Variants in KIF14 observed in about 807,000 individuals in gnomAD.
KIF14 encodes the protein kinesin-like protein KIF14.
In KIF14, 98 loss-of-function variants were observed where a neutral mutation model predicts 176.2. That is an observed-to-expected ratio of 0.56 (90% confidence interval 0.47 to 0.66). The LOEUF (loss-of-function observed/expected upper bound fraction) is 0.66, where lower values mean the gene tolerates loss of function less well. Among genes scored for constraint, KIF14 ranks in the 30% least tolerant of loss-of-function variants. The pLI, the probability that KIF14 is intolerant of heterozygous loss-of-function variation, is 0.00. For synonymous variants in KIF14, 566 were observed against 632.2 expected, an observed-to-expected ratio of 0.90 and a Z score of 1.57; for missense variants, 1,751 against 1,920.4, an observed-to-expected ratio of 0.91 and a Z score of 1.65.
intron 25 of KIF14, among the ~76,000 whole-genome samples, chr1:200,564,260 CAAA>C (rs57025286): frequency 7.5e-5 from 5 of 66,298 alleles, no homozygotes; most frequent in Non-Finnish European, 1.2e-4. Context: ...GACTCCAGCT[CAAA>C]AAAAAAAAAA....
chr1:200,583,929 CAA>C (rs1187309703), intron 19 of KIF14, among the ~76,000 whole-genome samples: 5 of 145,258 alleles, frequency 3.4e-5, no homozygotes, highest in Admixed American at 2.8e-4. Context: ...GCAACAACAA[CAA>C]AAAGACTTTA....
Position 200,571,298 on chromosome 1 carries a change from G to A in KIF14, c.3567-1293C>T, listed in dbSNP as rs1363949312. Among the ~76,000 whole-genome samples the A allele has an allele frequency of 1.2e-4, 16 of 137,838 alleles. No homozygotes were observed. In the Admixed American group the frequency reaches 1.2e-3, roughly 11 times the overall value. 90.4% of individuals were successfully genotyped at this position (137,838 alleles called of 152,430 possible). A position where few individuals can be genotyped will look rare whatever the true frequency, so the allele number is the denominator to read the frequency against. Reference sequence around the variant, plus strand: ...CCACTGCACTCCAGCCTGGGCGACAGAGCAAGACTCCATCTCAAAAAGAAA... The same window carrying A: ...CCACTGCACTCCAGCCTGGGCGACAAAGCAAGACTCCATCTCAAAAAGAAA... On this transcript the variant is annotated intron_variant, in intron 22 of 29. Coordinates refer to ENST00000367350, the MANE Select transcript of KIF14 (RefSeq NM_014875.3).
At chr1:200,615,290 T>C (rs1309860339) in intron 3 of KIF14, 65 bp downstream of exon 3, 1 of 1,456,944 alleles carries the variant, frequency 6.9e-7, no homozygotes. Context: ...CTATCACCCC[T>C]ATGCCACTTC....
chr1:200,567,882 T>C (rs1255863116), intron 23 of KIF14, among the ~76,000 whole-genome samples: 6 of 149,276 alleles, frequency 4.0e-5, no homozygotes, highest in African/African-American at 2.4e-5. Flanking sequence ...AAAGCTACAG[T>C]AGGGTAACGA....
At chr1:200,598,215 T>C (rs1236784246) in intron 14 of KIF14, 22 bp downstream of exon 14, 4 of 1,593,276 alleles carry the variant, frequency 2.5e-6, no homozygotes, top group Non-Finnish European at 3.4e-6. Flanking sequence ...GCCTTTTCTT[T>C]TTTTTTAGAG....
rs112727234 is a variant in KIF14 at position 200,553,157 on chromosome 1, C to T, written c.*231G>A. The T allele has an allele frequency of 0.12, 34,785 of 286,084 alleles. 2,509 individuals carry two copies. The highest frequency in any genetic ancestry group is 0.15 in the African/African-American group (6,600 of 45,380). 17.7% of individuals were successfully genotyped at this position (286,084 alleles called of 1,614,324 possible). On this transcript the variant is annotated 3_prime_UTR_variant, in exon 30 of 30. Coordinates refer to ENST00000367350, the MANE Select transcript of KIF14 (RefSeq NM_014875.3). ...CGGGGTTTCGCCATGTTGGCCAGGC[C>T]GGTCTCAAACTCCTGACCTTGTGAT... is the stretch of plus-strand genomic sequence containing the variant.
At chr1:200,572,979 T>C (rs769336117) in intron 22 of KIF14, among the ~76,000 whole-genome samples, 19 of 152,354 alleles carry the variant, frequency 1.2e-4, no homozygotes, top group Non-Finnish European at 2.4e-4. Context: ...ACAGAAATCA[T>C]AGCTTCTCTG....
At chr1:200,587,887 A>T (rs1469311922) in intron 18 of KIF14, among the ~76,000 whole-genome samples, 1 of 152,050 alleles carries the variant, frequency 6.6e-6, no homozygotes, top group Non-Finnish European at 1.5e-5. Flanking sequence ...TTTCTCCTAA[A>T]ACTCTCTGAG....
chr1:200,578,751 A>G (rs1658270772), intron 21 of KIF14, among the ~76,000 whole-genome samples: 1 of 152,204 alleles, frequency 6.6e-6, no homozygotes, highest in African/African-American at 2.4e-5. Context: ...GCTTATCAAA[A>G]TATGTAAATA....
chr1:200,554,318 G>A, intron 29 of KIF14, 150 bp downstream of exon 29: 1 of 507,896 alleles, frequency 2.0e-6, no homozygotes, highest in Non-Finnish European at 3.5e-6. Context: ...TTGAACCCAG[G>A]AGTCGGAGGT....
chr1:200,580,123 T>G (rs1402366344), intron 21 of KIF14, 131 bp downstream of exon 21: 4 of 418,296 alleles, frequency 9.6e-6, no homozygotes, highest in Non-Finnish European at 1.6e-5. Context: ...GATTGCCTTT[T>G]ATTTTCCAAA....
chr1:200,553,649 T>C lies in KIF14; in HGVS notation c.4686A>G (p.Arg1562=). The C allele has an allele frequency of 6.2e-7, 1 of 1,614,136 alleles. No homozygotes were observed. Among genetic ancestry groups the C allele is most frequent in the African/African-American group, 1.3e-5 (1 of 75,042 alleles). The change falls in exon 30 of 30, where the codon AGA becomes AGG. Residue 1562 remains arginine (R), a synonymous_variant. Transcript: ENST00000367350. ...GTTCCTGGTGGACAATGTGAGTTAC[T>C]CTACTCTCATAGCTGCCAACAGAAG... ...PSTSVGSYES[R]VTHIVHQELE...
chr1:200,617,854 C>T lies in KIF14; in HGVS notation c.870G>A (p.Lys290=), dbSNP rs780688295. The stretch of plus-strand genomic sequence containing the variant: ...GGCTCTTAAGCTGAGGCAGGCTGCA[C>T]TTTGTTGTCAGTTTGTGTTCTGTTG... ...KCTTEHKLTT[K]CSLPQLKSPA... is the part of the protein sequence containing the mutation. Residue 290 remains lysine (K), a synonymous_variant, in exon 2 of 30, where the codon AAG becomes AAA. Coordinates refer to ENST00000367350, the MANE Select transcript of KIF14 (RefSeq NM_014875.3). 1.2e-6 allele frequency: 2 copies of T among 1,614,178 alleles called. No homozygotes were observed. The highest frequency in any genetic ancestry group is 1.1e-5 in the South Asian group (1 of 91,086).
intron 2 of KIF14, among the ~76,000 whole-genome samples, chr1:200,617,216 C>T (rs1660447735): frequency 6.6e-6 from 1 of 152,172 alleles, no homozygotes; most frequent in Non-Finnish European, 1.5e-5. Context: ...GATCTGCCTG[C>T]CTTGACCTCC....
intron 28 of KIF14, 34 bp downstream of exon 28, chr1:200,555,346 A>C (rs1656777085): frequency 7.5e-7 from 1 of 1,331,172 alleles, no homozygotes; most frequent in Non-Finnish European, 1.1e-6. Context: ...ATAAAAAATA[A>C]GCAAAATTAA....
At chr1:200,607,655 G>T (rs185000267) in intron 5 of KIF14, among the ~76,000 whole-genome samples, 1 of 152,130 alleles carries the variant, frequency 6.6e-6, no homozygotes, top group African/African-American at 2.4e-5. Context: ...GTTTCTTGAT[G>T]TTGCCAATAG....
chr1:200,552,915 T>TTTTATTTATTTA lies in KIF14; in HGVS notation c.*461_*472dup, dbSNP rs113846989. The TTTTATTTATTTA allele has an allele frequency of 4.5e-5, 6 of 134,158 alleles. No individual in the cohort carries two copies. The highest frequency in any genetic ancestry group is 2.3e-4 in the Admixed American group (3 of 12,770). The allele number at this position is 134,158 out of a possible 1,614,324, so 8.3% of individuals were successfully genotyped here. On this transcript the variant is annotated 3_prime_UTR_variant, in exon 30 of 30. Coordinates refer to ENST00000367350, the MANE Select transcript of KIF14 (RefSeq NM_014875.3). Reference sequence around the variant, plus strand: ...TAAACACTTTAAAGATAAAAATATATTTTATTTATTTATTTATTTATTTAT... The same window carrying TTTTATTTATTTA: ...TAAACACTTTAAAGATAAAAATATATTTTATTTATTTATTTATTTATTTATTTATTTATTTAT...
In KIF14 at chr1:200,602,026, C is replaced by A. The variant is rs777397713; in HGVS notation, c.2022G>T (p.Met674Ile). The change falls in exon 11 of 30, where the codon ATG (methionine) becomes ATT (isoleucine). Residue 674 changes from methionine (M) to isoleucine (I), a missense_variant. By Grantham distance (10) the Met-to-Ile change is conservative. Transcript: ENST00000367350. ...TGGCAGCGGGACTAATCGTAGCAAT[C>A]ATTGCAGTTTTTGAATTTCCACCCA... ...ESLGGNSKTAMIATISPAASN... is the reference protein window; with the variant it reads ...ESLGGNSKTAIIATISPAASN... 6.2e-6 allele frequency: 10 copies of A among 1,613,500 alleles called. No individual in the cohort carries two copies. Among genetic ancestry groups the A allele is most frequent in the Non-Finnish European group, 8.5e-6 (10 of 1,179,856 alleles).
rs1659084673 is a variant in KIF14 at position 200,592,125 on chromosome 1, T to A, written c.2768A>T (p.Asp923Val). ...RDTPISEGPK[D>V]FEFAKNELLM... is the part of the protein sequence containing the mutation. ...CAACTCATTTTTTGCAAATTCAAAGTCTTTTGGACCCTCACTTATAGGAGT... is the reference window on the plus strand; with the variant it reads ...CAACTCATTTTTTGCAAATTCAAAGACTTTTGGACCCTCACTTATAGGAGT... Residue 923 changes from aspartate to valine, a missense_variant, in exon 16 of 30, where the codon GAC becomes GTC. Transcript: ENST00000367350. 6.2e-7 allele frequency: 1 copy of A among 1,613,426 alleles called. No individual in the cohort carries two copies. The highest frequency in any genetic ancestry group is 8.5e-7 in the Non-Finnish European group (1 of 1,179,842).
Sources: allele counts gnomAD v4.1 joint callset (sites outside exome capture counted in the v4.1 genomes callset), GRCh38; gene constraint gnomAD v4.1.1; transcripts MANE v1.5; gene names NCBI Gene and HGNC (gene_info 2026-07-23, HGNC 2026-07-21).